B3GALT1: variants seen among roughly 807,000 people sequenced by gnomAD.
B3GALT1 encodes the protein UDP-Gal:betaGlcNAc beta 1,3-galactosyltransferase, polypeptide 1.
Under a neutral mutation model 23.2 loss-of-function variants are expected in B3GALT1, and 10 were observed. That is an observed-to-expected ratio of 0.43 (90% CI 0.27 to 0.73). The LOEUF (loss-of-function observed/expected upper bound fraction) is 0.73, where lower values mean the gene tolerates loss of function less well. B3GALT1 is among the 30% of genes least tolerant of loss of function. The pLI is 0.21. For missense variants in B3GALT1, 299 were observed against 405.4 expected, an observed-to-expected ratio of 0.74 and a Z score of 2.25; for synonymous variants, 156 against 141.5, an observed-to-expected ratio of 1.10 and a Z score of -0.73.
chr2:167,863,719 A>T (rs1051372230), intron 4 of B3GALT1, among the ~76,000 whole-genome samples: 1 of 152,118 alleles, frequency 6.6e-6, no homozygotes, highest in Non-Finnish European at 1.5e-5. Context: ...CTGTTTTGCC[A>T]CCTGAGAAAT....
At chr2:167,827,393 A>G (rs887343875) in intron 4 of B3GALT1, among the ~76,000 whole-genome samples, 1 of 152,208 alleles carries the variant, frequency 6.6e-6, no homozygotes, top group Non-Finnish European at 1.5e-5. Flanking sequence ...AGTTGGAAAT[A>G]TGACGAGATC....
chr2:167,461,497 A>G (rs995454034), intron 1 of B3GALT1, among the ~76,000 whole-genome samples: 1 of 152,156 alleles, frequency 6.6e-6, no homozygotes, highest in African/African-American at 2.4e-5. Context: ...AAAATTTGAG[A>G]ACTACTGTTT....
intron 1 of B3GALT1, among the ~76,000 whole-genome samples, chr2:167,299,669 C>T (rs1247503340): frequency 1.3e-5 from 2 of 151,840 alleles, no homozygotes; most frequent in Non-Finnish European, 2.9e-5. Context: ...TTATTTTGGC[C>T]TAATTTCCTT....
At chr2:167,338,039 A>C (rs1428952333) in intron 1 of B3GALT1, among the ~76,000 whole-genome samples, 1 of 152,216 alleles carries the variant, frequency 6.6e-6, no homozygotes, top group African/African-American at 2.4e-5. Flanking sequence ...TGACTGAAAG[A>C]AACACTGAAT....
chr2:167,813,546 C>T (rs1360033982), intron 3 of B3GALT1, among the ~76,000 whole-genome samples: 1 of 152,148 alleles, frequency 6.6e-6, no homozygotes, highest in African/African-American at 2.4e-5. Context: ...AAATTGATTG[C>T]CTAACTAACT....
chr2:167,375,656 T>C (rs1449794461), intron 1 of B3GALT1, among the ~76,000 whole-genome samples: 2 of 152,200 alleles, frequency 1.3e-5, no homozygotes, highest in Non-Finnish European at 2.9e-5. Context: ...TATTGGTGTA[T>C]AGAAATGCTA....
intron 1 of B3GALT1, among the ~76,000 whole-genome samples, chr2:167,487,082 TC>T (rs1289299307): frequency 6.6e-6 from 1 of 152,250 alleles, no homozygotes; most frequent in Non-Finnish European, 1.5e-5. Flanking sequence ...TTTGAATTTA[TC>T]ACTAACCAGA....
intron 1 of B3GALT1, among the ~76,000 whole-genome samples, chr2:167,477,674 C>T (rs1408027439): frequency 6.6e-6 from 1 of 152,188 alleles, no homozygotes; most frequent in Non-Finnish European, 1.5e-5. Flanking sequence ...ACCAATTCTG[C>T]TGTGATGGCT....
At chr2:167,578,119 A>G (rs927086179) in intron 2 of B3GALT1, among the ~76,000 whole-genome samples, 71 of 151,944 alleles carry the variant, frequency 4.7e-4, no homozygotes, top group African/African-American at 1.7e-3. Flanking sequence ...TCATTTTATC[A>G]GTGCTCTGCA....
chr2:167,615,479 A>G (rs1685144353), intron 2 of B3GALT1, among the ~76,000 whole-genome samples: 1 of 152,060 alleles, frequency 6.6e-6, no homozygotes, highest in Admixed American at 6.6e-5. Context: ...TACTGTGCAT[A>G]GTGACGACAG....
intron 3 of B3GALT1, among the ~76,000 whole-genome samples, chr2:167,791,099 C>A (rs80008990): frequency 0.038 from 5,808 of 152,210 alleles, 397 homozygotes; most frequent in African/African-American, 0.13. Context: ...ATGTGCCAGG[C>A]TGTGGTCTAA....
intron 1 of B3GALT1, among the ~76,000 whole-genome samples, chr2:167,436,936 G>A (rs59534092): frequency 0.058 from 8,886 of 152,214 alleles, 606 homozygotes; most frequent in African/African-American, 0.17. Flanking sequence ...ACATAAATGG[G>A]CAGCTGAGAT....
intron 3 of B3GALT1, among the ~76,000 whole-genome samples, chr2:167,688,292 ACAAT>A (rs1382559134): frequency 1.3e-5 from 2 of 152,182 alleles, no homozygotes; most frequent in African/African-American, 4.8e-5. Flanking sequence ...AATGAAAAAG[ACAAT>A]CAATAGATAC....
At chr2:167,667,146 G>T (rs1179168573) in intron 3 of B3GALT1, among the ~76,000 whole-genome samples, 2 of 151,988 alleles carry the variant, frequency 1.3e-5, no homozygotes, top group Non-Finnish European at 2.9e-5. Context: ...GGCAGGCCTG[G>T]TGGTGACAAA....
intron 2 of B3GALT1, among the ~76,000 whole-genome samples, chr2:167,637,010 T>C (rs1303066670): frequency 6.6e-6 from 1 of 151,756 alleles, no homozygotes; most frequent in East Asian, 1.9e-4. Flanking sequence ...AAATAGAAGG[T>C]AGGTACTCAG....
At chr2:167,752,979 G>T (rs1031335119) in intron 3 of B3GALT1, among the ~76,000 whole-genome samples, 18 of 152,218 alleles carry the variant, frequency 1.2e-4, no homozygotes, top group African/African-American at 4.1e-4. Context: ...ATAGTGGAAT[G>T]TGGAGAGGAG....
At chr2:167,389,925 CAA>C (rs751630307) in intron 1 of B3GALT1, among the ~76,000 whole-genome samples, 1 of 105,434 alleles carries the variant, frequency 9.5e-6, no homozygotes, top group African/African-American at 3.4e-5. Flanking sequence ...AAAAAAAAAA[CAA>C]AAAAAAAAAA....
At chr2:167,705,508 A>G (rs1177202769) in intron 3 of B3GALT1, among the ~76,000 whole-genome samples, 3 of 152,148 alleles carry the variant, frequency 2.0e-5, no homozygotes, top group Non-Finnish European at 4.4e-5. Context: ...AGTGCCTTGA[A>G]GTCCATGAAA....
intron 1 of B3GALT1, among the ~76,000 whole-genome samples, chr2:167,335,721 C>A (rs1286232657): frequency 1.3e-5 from 2 of 152,150 alleles, no homozygotes; most frequent in Non-Finnish European, 2.9e-5. Context: ...AGTGAGACAA[C>A]CAGAGTTCAC....
Sources: gnomAD v4.1 joint callset for allele counts (sites outside exome capture counted in the v4.1 genomes callset) on GRCh38, gnomAD v4.1.1 for gene constraint, MANE v1.5 for transcripts, NCBI Gene and HGNC (gene_info 2026-07-23, HGNC 2026-07-21) for gene names.